Variants in AGBL1 observed in about 807,000 individuals in gnomAD.
AGBL1 encodes the protein cytosolic carboxypeptidase 4.
A neutral mutation model predicts 118.9 loss-of-function variants in AGBL1; 130 were observed. The ratio of observed to expected loss-of-function variants is 1.09; its 90% CI spans 0.95 to 1.26. The LOEUF is 1.26. Ranked by LOEUF, AGBL1 falls within the 50% of genes most tolerant of loss-of-function variation. AGBL1 has a pLI of 0.00. For missense variants in AGBL1, 1,584 were observed against 1,298.1 expected (o/e 1.22, Z -3.38); for synonymous variants, 555 against 478.9 (o/e 1.16, Z -2.08).
At chr15:86,514,128 A>G (rs1036772380) in intron 18 of AGBL1, among the ~76,000 whole-genome samples, 1 of 57,100 alleles carries the variant, frequency 1.8e-5, no homozygotes, top group Non-Finnish European at 4.3e-5. Flanking sequence ...GTATGAATAC[A>G]CACACAAACA....
At chr15:86,182,210 C>G (rs1368331551) in intron 5 of AGBL1, among the ~76,000 whole-genome samples, 2 of 151,910 alleles carry the variant, frequency 1.3e-5, no homozygotes, top group Non-Finnish European at 2.9e-5. Flanking sequence ...AATTCAAGGT[C>G]TTGCCTCTAT....
intron 18 of AGBL1, among the ~76,000 whole-genome samples, chr15:86,518,687 G>A (rs1181653354): frequency 2.0e-5 from 3 of 152,002 alleles, no homozygotes; most frequent in Non-Finnish European, 4.4e-5. Flanking sequence ...TAGGCAATAA[G>A]GATGCCTGAC....
chr15:86,792,256 G>T (rs1294940727), intron 22 of AGBL1, among the ~76,000 whole-genome samples: 2 of 152,120 alleles, frequency 1.3e-5, no homozygotes, highest in Admixed American at 6.6e-5. Flanking sequence ...TGTTTGTTCA[G>T]TGCCTTTCTT....
chr15:86,742,610 C>A (rs2077696080), intron 22 of AGBL1, among the ~76,000 whole-genome samples: 1 of 152,128 alleles, frequency 6.6e-6, no homozygotes, highest in Non-Finnish European at 1.5e-5. Flanking sequence ...CAAGTTACCT[C>A]CCCGTAGGCC....
At chr15:86,984,361 CTCT>C (rs202190647) in intron 23 of AGBL1, among the ~76,000 whole-genome samples, 25,911 of 143,270 alleles carry the variant, frequency 0.18, 2,674 homozygotes, top group African/African-American at 0.29. Context: ...ATTTTTTTCT[CTCT>C]TTTTTTTTTT....
At chr15:86,488,657 C>T (rs1008221375) in intron 18 of AGBL1, among the ~76,000 whole-genome samples, 3 of 152,088 alleles carry the variant, frequency 2.0e-5, no homozygotes, top group Non-Finnish European at 4.4e-5. Context: ...TGCCTCCCCT[C>T]TTCTACGTTC....
In AGBL1 at chr15:86,626,069, G is replaced by T. The variant is rs147561917; in HGVS notation, c.2995-48204G>T. On this transcript the variant is annotated intron_variant, in intron 21 of 22. Coordinates refer to ENST00000614907, the MANE Select transcript of AGBL1 (RefSeq NM_001386094.1). ...CATGAACAGAAGTCAGGAAAAAAAG[G>T]GTTGCATTTGATTGTGGAAGACAGT... Among the ~76,000 whole-genome samples, 548 of 152,244 alleles carry T rather than the reference G, an allele frequency of 3.6e-3. 4 individuals carry two copies. Among genetic ancestry groups the T allele is most frequent in the African/African-American group, 0.012 (510 of 41,546 alleles).
chr15:86,688,216 A>G (rs890844472), intron 22 of AGBL1, among the ~76,000 whole-genome samples: 6 of 151,954 alleles, frequency 3.9e-5, no homozygotes, highest in Non-Finnish European at 8.8e-5. Flanking sequence ...TGACCCTTGG[A>G]TGCTGCTTTC....
intron 16 of AGBL1, among the ~76,000 whole-genome samples, chr15:86,293,219 T>C (rs139026148): frequency 2.8e-3 from 421 of 152,266 alleles, no homozygotes; most frequent in Middle Eastern, 0.01. Flanking sequence ...CTACAAAAAA[T>C]GTAGTGGCTT....
chr15:86,395,877 G>C (rs1201188600), intron 17 of AGBL1, among the ~76,000 whole-genome samples: 1 of 151,546 alleles, frequency 6.6e-6, no homozygotes, highest in Non-Finnish European at 1.5e-5. Flanking sequence ...CTTTAGCTCT[G>C]TTATCAAAAG....
At chr15:86,146,967 G>T (rs1172347809) in intron 3 of AGBL1, among the ~76,000 whole-genome samples, 1 of 152,110 alleles carries the variant, frequency 6.6e-6, no homozygotes, top group Non-Finnish European at 1.5e-5. Context: ...AAAGAAACAG[G>T]ATGATTTAGA....
intron 22 of AGBL1, among the ~76,000 whole-genome samples, chr15:86,701,791 C>G (rs2086363930): frequency 6.7e-6 from 1 of 149,000 alleles, no homozygotes; most frequent in South Asian, 2.2e-4. Context: ...CCTCCCCACT[C>G]CTTCCTTCCC....
At chr15:86,336,122 C>T (rs2080364309) in intron 17 of AGBL1, among the ~76,000 whole-genome samples, 1 of 152,212 alleles carries the variant, frequency 6.6e-6, no homozygotes, top group Non-Finnish European at 1.5e-5. Flanking sequence ...CAAAACTCAG[C>T]CTCCACCTGT....
intron 21 of AGBL1, among the ~76,000 whole-genome samples, chr15:86,583,945 T>C (rs573468627): frequency 2.0e-5 from 3 of 150,462 alleles, no homozygotes; most frequent in South Asian, 2.1e-4. Flanking sequence ...TTATTAGTGA[T>C]GTGGAACGTT....
chr15:86,906,890 A>G (rs2080288008), intron 22 of AGBL1, among the ~76,000 whole-genome samples, 197 bp from the exon 23 acceptor site: 1 of 152,186 alleles, frequency 6.6e-6, no homozygotes, highest in Admixed American at 6.5e-5. Flanking sequence ...ATCTGAGGTT[A>G]AAACTCAAAG....
At chr15:86,861,389 A>G (rs1341974475) in intron 22 of AGBL1, among the ~76,000 whole-genome samples, 1 of 152,230 alleles carries the variant, frequency 6.6e-6, no homozygotes, top group Non-Finnish European at 1.5e-5. Flanking sequence ...TCTCAAGAAC[A>G]GTTTCTCATT....
chr15:86,797,705 A>G (rs1485869910), intron 22 of AGBL1, among the ~76,000 whole-genome samples: 2 of 152,178 alleles, frequency 1.3e-5, no homozygotes, highest in African/African-American at 4.8e-5. Context: ...AGGACCTTCA[A>G]GTTAAGAGTT....
chr15:86,677,807 A>G lies in AGBL1; in HGVS notation c.3158+3371A>G, dbSNP rs548847110. Among the ~76,000 whole-genome samples the G allele has an allele frequency of 5.9e-5, 9 of 152,356 alleles. 1 individual carries two copies. In the South Asian group the frequency reaches 1.9e-3, roughly 32 times the overall value. On this transcript the variant is annotated intron_variant, in intron 22 of 22. Coordinates refer to ENST00000614907, the MANE Select transcript of AGBL1 (RefSeq NM_001386094.1). ...TAAAAATTCTACATAGATATTAGAA[A>G]AAAAAGTTTAATAATTAAAAAGGTG...
At chr15:86,192,740 T>C (rs1353164885) in intron 5 of AGBL1, among the ~76,000 whole-genome samples, 4 of 152,118 alleles carry the variant, frequency 2.6e-5, no homozygotes, top group Non-Finnish European at 5.9e-5. Flanking sequence ...ATATGAAAAA[T>C]CAAATACTAT....
Sources: gnomAD v4.1 joint callset for allele counts (sites outside exome capture counted in the v4.1 genomes callset) on GRCh38, gnomAD v4.1.1 for gene constraint, MANE v1.5 for transcripts, NCBI Gene and HGNC (gene_info 2026-07-23, HGNC 2026-07-21) for gene names.